MANBA: variants seen among roughly 807,000 people sequenced by gnomAD.
MANBA encodes the protein beta-mannosidase.
A neutral mutation model predicts 111.1 loss-of-function variants in MANBA; 83 were observed. The ratio of observed to expected loss-of-function variants is 0.75; its 90% CI spans 0.63 to 0.90. The LOEUF is 0.90. Ranked by LOEUF, MANBA falls within the 40% of genes least tolerant of loss-of-function variation. MANBA has a pLI of 0.00. For synonymous variants in MANBA, 370 were observed against 378.7 expected, an observed-to-expected ratio of 0.98 and a Z score of 0.27; for missense variants, 1,036 against 1,069.0, an observed-to-expected ratio of 0.97 and a Z score of 0.43.
At chr4:102,635,281 G>C (rs1056788377) in intron 15 of MANBA, among the ~76,000 whole-genome samples, 10 of 152,142 alleles carry the variant, frequency 6.6e-5, no homozygotes, top group African/African-American at 2.2e-4. Context: ...GCTGTTGTGA[G>C]AATTTAAAAA....
intron 5 of MANBA, among the ~76,000 whole-genome samples, chr4:102,709,294 GGAAGGAA>G (rs1721916711): frequency 8.6e-6 from 1 of 115,776 alleles, no homozygotes. Context: ...AAGGAAGGAA[GGAAGGAA>G]GGAAGGAAGG....
intron 1 of MANBA, among the ~76,000 whole-genome samples, chr4:102,745,626 T>A (rs1252840962): frequency 6.6e-6 from 1 of 152,168 alleles, no homozygotes. Context: ...CAGTGGGCCA[T>A]CTTTTATCCA....
intron 1 of MANBA, among the ~76,000 whole-genome samples, chr4:102,758,551 C>CTTTTTTTTTT: frequency 7.3e-6 from 1 of 137,140 alleles, no homozygotes; most frequent in Non-Finnish European, 1.6e-5. Flanking sequence ...TACTTTTTTT[C>CTTTTTTTTTT]TTTTTTTTTT....
chr4:102,728,540 G>C, intron 1 of MANBA: 1 of 376,660 alleles, frequency 2.7e-6, no homozygotes, highest in Non-Finnish European at 5.0e-6. Context: ...GCTAGCAGAG[G>C]TTTTATTTTG....
rs959047392 is a variant in MANBA at position 102,727,690 on chromosome 4, C to T, written c.178-1007G>A. On this transcript the variant is annotated intron_variant, in intron 1 of 16. Coordinates refer to ENST00000647097, the MANE Select transcript of MANBA (RefSeq NM_005908.4). Reference sequence around the variant, plus strand: ...AACGCAGTCTCAGCAGAATCTCCCTCAGGAGGATGGTTGTAGGTTGTGTTT... The same window carrying T: ...AACGCAGTCTCAGCAGAATCTCCCTTAGGAGGATGGTTGTAGGTTGTGTTT... 5 of 1,233,974 alleles carry T rather than the reference C, an allele frequency of 4.1e-6. No homozygotes were observed. The African/African-American group carries it at 7.4e-5, about 18-fold the overall frequency. The allele number at this position is 1,233,974 out of a possible 1,614,324, so 76.4% of individuals were successfully genotyped here.
At chr4:102,697,355 AT>A (rs928820442) in intron 5 of MANBA, among the ~76,000 whole-genome samples, 11 of 150,678 alleles carry the variant, frequency 7.3e-5, no homozygotes, top group Admixed American at 5.3e-4. Flanking sequence ...ATTTTATTTT[AT>A]TTTTTTATTA....
chr4:102,740,440 A>T (rs907503913), intron 1 of MANBA, among the ~76,000 whole-genome samples: 5 of 152,226 alleles, frequency 3.3e-5, no homozygotes, highest in Admixed American at 6.5e-5. Context: ...AACTAGCAAA[A>T]GCAAACCTAA....
chr4:102,709,088 A>G (rs1721893943), intron 5 of MANBA, among the ~76,000 whole-genome samples: 1 of 151,942 alleles, frequency 6.6e-6, no homozygotes, highest in Non-Finnish European at 1.5e-5. Flanking sequence ...AGGCCAAGGC[A>G]GGAGGATTGC....
chr4:102,697,250 T>A (rs1732759015), intron 5 of MANBA, among the ~76,000 whole-genome samples: 1 of 152,144 alleles, frequency 6.6e-6, no homozygotes, highest in South Asian at 2.1e-4. Flanking sequence ...GATTATTTTA[T>A]GGAAAAAATA....
chr4:102,738,514 G>C (rs2110204125), intron 1 of MANBA, among the ~76,000 whole-genome samples: 1 of 152,312 alleles, frequency 6.6e-6, no homozygotes, highest in African/African-American at 2.4e-5. Context: ...AATCACTGCA[G>C]TCTGGCTCTC....
In MANBA at chr4:102,631,343, T is replaced by C. The variant is rs1463091578; in HGVS notation, c.*714A>G. 1 of 160,664 alleles carries C rather than the reference T, an allele frequency of 6.2e-6. No individual in the cohort carries two copies. Among genetic ancestry groups the C allele is most frequent in the Non-Finnish European group, 1.3e-5 (1 of 74,130 alleles). 10.0% of individuals were successfully genotyped at this position (160,664 alleles called of 1,614,324 possible). On this transcript the variant is annotated 3_prime_UTR_variant, in exon 17 of 17. Coordinates refer to ENST00000647097, the MANE Select transcript of MANBA (RefSeq NM_005908.4). ...ACATGACTGTTTCCAGAGAAAACCT[T>C]TCACATGTCTTAGTTTAGATTCTTC... is the stretch of plus-strand genomic sequence containing the variant.
intron 1 of MANBA, among the ~76,000 whole-genome samples, chr4:102,739,192 A>G (rs1223178856): frequency 6.6e-6 from 1 of 152,244 alleles, no homozygotes; most frequent in Non-Finnish European, 1.5e-5. Flanking sequence ...TGCACAAACT[A>G]GGAAACCTAG....
intron 6 of MANBA, 92 bp from the exon 7 acceptor site, chr4:102,689,776 C>A (rs1732394729): frequency 2.6e-6 from 2 of 777,430 alleles, no homozygotes; most frequent in Non-Finnish European, 2.3e-6. Context: ...TAGTCAAGTA[C>A]AAAACTCTAG....
chr4:102,631,984 T>C lies in MANBA; in HGVS notation c.*73A>G. The C allele has an allele frequency of 7.8e-7, 1 of 1,279,142 alleles. No individual in the cohort carries two copies. The highest frequency in any genetic ancestry group is 2.3e-5 in the East Asian group (1 of 43,218). 79.2% of individuals were successfully genotyped at this position (1,279,142 alleles called of 1,614,324 possible). A position where few individuals can be genotyped will look rare whatever the true frequency, so the allele number is the denominator to read the frequency against. The stretch of plus-strand genomic sequence containing the variant: ...TCTCGGCTTCTCTCCTTGTCTCTGT[T>C]GCCTTCCTCTCCAGTCGGTGCTTTA... On this transcript the variant is annotated 3_prime_UTR_variant, in exon 17 of 17. Transcript: ENST00000647097.
At chr4:102,640,114 G>C (rs891519009) in intron 13 of MANBA, among the ~76,000 whole-genome samples, 6 of 152,094 alleles carry the variant, frequency 3.9e-5, no homozygotes, top group African/African-American at 1.4e-4. Context: ...AATGGAAATA[G>C]GATGGTGTAA....
chr4:102,685,630 C>T (rs1424808110), intron 7 of MANBA, among the ~76,000 whole-genome samples: 3 of 152,098 alleles, frequency 2.0e-5, no homozygotes, highest in Non-Finnish European at 2.9e-5. Flanking sequence ...GTCTTTCCCT[C>T]GCTACTGGCC....
chr4:102,714,008 G>A (rs1002916083), intron 5 of MANBA, among the ~76,000 whole-genome samples: 1 of 152,086 alleles, frequency 6.6e-6, no homozygotes, highest in African/African-American at 2.4e-5. Flanking sequence ...TTGTGTCAGG[G>A]CCCTCAGAGT....
intron 7 of MANBA, among the ~76,000 whole-genome samples, chr4:102,675,758 GAAGGCTTACCTTCT>G (rs1223363047): frequency 6.6e-6 from 1 of 151,968 alleles, no homozygotes; most frequent in Non-Finnish European, 1.5e-5. Context: ...AATGGGATTA[GAAGGCTTACCTTCT>G]CACCAGCCTG....
chr4:102,671,051 T>C (rs1731472681), intron 9 of MANBA: 1 of 402,028 alleles, frequency 2.5e-6, no homozygotes, highest in Non-Finnish European at 4.6e-6. Flanking sequence ...AGTAGGTATA[T>C]GTATACTGGG....
Sources: allele counts gnomAD v4.1 joint callset (sites outside exome capture counted in the v4.1 genomes callset), GRCh38; gene constraint gnomAD v4.1.1; transcripts MANE v1.5; gene names NCBI Gene and HGNC (gene_info 2026-07-23, HGNC 2026-07-21).